RELN: variants seen among roughly 807,000 people sequenced by gnomAD.
RELN encodes the protein reelin.
In RELN, 108 loss-of-function variants were observed where a neutral mutation model predicts 427.6. The observed-to-expected ratio is 0.25, with a 90% CI of 0.22 to 0.30. The LOEUF is 0.30. Ranked by LOEUF, RELN falls within the 10% of genes least tolerant of loss-of-function variation. The pLI is 1.00. For missense variants in RELN, 3,715 were observed against 4,302.8 expected, an observed-to-expected ratio of 0.86 and a Z score of 3.82; for synonymous variants, 1,524 against 1,513.4, an observed-to-expected ratio of 1.01 and a Z score of -0.16.
chr7:103,736,689 A>C (rs1790501752), intron 6 of RELN, among the ~76,000 whole-genome samples: 2 of 152,214 alleles, frequency 1.3e-5, no homozygotes, highest in South Asian at 4.1e-4. Flanking sequence ...GGTAAATTCC[A>C]CTACATGCTG....
At chr7:103,725,067 A>T (rs190011702) in intron 7 of RELN, among the ~76,000 whole-genome samples, 32 of 152,260 alleles carry the variant, frequency 2.1e-4, no homozygotes, top group Middle Eastern at 3.4e-3. Flanking sequence ...TTCTTACCAA[A>T]TCTCTCTTAA....
intron 1 of RELN, among the ~76,000 whole-genome samples, chr7:103,925,718 A>T (rs1404921358): frequency 1.3e-5 from 2 of 152,190 alleles, no homozygotes; most frequent in East Asian, 3.8e-4. Context: ...AAAAGAAATC[A>T]TTTTGGGAGA....
At chr7:103,869,241 C>A (rs1794271619) in intron 2 of RELN, among the ~76,000 whole-genome samples, 1 of 151,848 alleles carries the variant, frequency 6.6e-6, no homozygotes, top group Admixed American at 6.6e-5. Context: ...CATCTTAAGC[C>A]CCACATTTTA....
intron 2 of RELN, among the ~76,000 whole-genome samples, chr7:103,871,247 T>C (rs989878611): frequency 8.7e-6 from 1 of 115,142 alleles, no homozygotes; most frequent in Non-Finnish European, 1.8e-5. Context: ...TTTTATTCTT[T>C]CGAAAAGAAT....
intron 24 of RELN, among the ~76,000 whole-genome samples, chr7:103,602,382 G>A (rs1166110216): frequency 6.6e-6 from 1 of 152,142 alleles, no homozygotes; most frequent in African/African-American, 2.4e-5. Context: ...ACATGCACAC[G>A]TATGTTTACT....
At chr7:103,681,527 A>G (rs921804828) in intron 11 of RELN, among the ~76,000 whole-genome samples, 1 of 152,020 alleles carries the variant, frequency 6.6e-6, no homozygotes, top group Admixed American at 6.6e-5. Flanking sequence ...GTGCTGCCCA[A>G]TTAGTAGGAT....
At chr7:103,844,669 C>G (rs915505124) in intron 2 of RELN, among the ~76,000 whole-genome samples, 2 of 152,100 alleles carry the variant, frequency 1.3e-5, no homozygotes, top group African/African-American at 4.8e-5. Flanking sequence ...TACTTAAACT[C>G]TCTAAGTCCC....
chr7:103,728,604 T>C (rs1790272741), intron 6 of RELN, among the ~76,000 whole-genome samples: 1 of 152,192 alleles, frequency 6.6e-6, no homozygotes, highest in South Asian at 2.1e-4. Flanking sequence ...TCAATAATTA[T>C]ATAATATATA....
intron 2 of RELN, among the ~76,000 whole-genome samples, chr7:103,906,296 C>G (rs1393946452): frequency 6.6e-6 from 1 of 152,072 alleles, no homozygotes. Context: ...CATAACCTCC[C>G]GCAAGTTACT....
At chr7:103,974,886 G>A in intron 1 of RELN, among the ~76,000 whole-genome samples, 1 of 152,236 alleles carries the variant, frequency 6.6e-6, no homozygotes, top group East Asian at 1.9e-4. Context: ...GCAGCATAGA[G>A]AAGCTTCTGG....
At chr7:103,720,365 T>G (rs1348144007) in intron 8 of RELN, among the ~76,000 whole-genome samples, 1 of 152,072 alleles carries the variant, frequency 6.6e-6, no homozygotes, top group African/African-American at 2.4e-5. Flanking sequence ...TATGAAAGTA[T>G]CAACACAATA....
At chr7:103,833,150 G>A (rs1793315955) in intron 3 of RELN, among the ~76,000 whole-genome samples, 1 of 151,964 alleles carries the variant, frequency 6.6e-6, no homozygotes, top group African/African-American at 2.4e-5. Context: ...TTTGAGATAT[G>A]CAATACATTA....
chr7:103,641,811 G>A (rs1438832550), intron 16 of RELN, among the ~76,000 whole-genome samples: 1 of 152,078 alleles, frequency 6.6e-6, no homozygotes, highest in Non-Finnish European at 1.5e-5. Flanking sequence ...GAAAGGGGCT[G>A]GCTCCATTCT....
intron 11 of RELN, among the ~76,000 whole-genome samples, chr7:103,678,893 G>A (rs1833595523): frequency 6.6e-6 from 1 of 152,170 alleles, no homozygotes; most frequent in African/African-American, 2.4e-5. Flanking sequence ...ATGATAGATT[G>A]TTTGTGTGGG....
chr7:103,867,103 T>TATC (rs1489763192), intron 2 of RELN, among the ~76,000 whole-genome samples: 3 of 152,108 alleles, frequency 2.0e-5, no homozygotes, highest in Non-Finnish European at 4.4e-5. Flanking sequence ...CATCACTGAA[T>TATC]AGATGTTACA....
chr7:103,749,874 C>T (rs1026622230), intron 5 of RELN, among the ~76,000 whole-genome samples: 1 of 152,166 alleles, frequency 6.6e-6, no homozygotes. Flanking sequence ...ATTGTAGTTC[C>T]CATAATCCCC....
chr7:103,542,793 G>C lies in RELN; in HGVS notation c.6609C>G (p.Leu2203=). 2 of 1,614,106 alleles carry C rather than the reference G, an allele frequency of 1.2e-6. No homozygotes were observed. Among genetic ancestry groups the C allele is most frequent in the Non-Finnish European group, 1.7e-6 (2 of 1,180,008 alleles). Residue 2203 remains leucine, a synonymous_variant, in exon 43 of 65, where the codon CTC becomes CTG. Transcript: ENST00000428762. ...TGCGCAAGCCATCTTCATTGAAAAA[G>C]AGGTTGTTTCCACTAGAAAGGATTC... ...KCGILSSGNN[L]FFNEDGLRML...
chr7:103,595,686 CA>C (rs1831520327), intron 25 of RELN, among the ~76,000 whole-genome samples: 1 of 151,078 alleles, frequency 6.6e-6, no homozygotes, highest in African/African-American at 2.4e-5. Context: ...TAATAGTAGT[CA>C]ACATACAAAA....
intron 4 of RELN, among the ~76,000 whole-genome samples, chr7:103,765,545 A>G (rs1264787925): frequency 6.6e-6 from 1 of 152,208 alleles, no homozygotes; most frequent in East Asian, 1.9e-4. Context: ...AAACAACTGA[A>G]TTTTCACACG....
Sources: gnomAD v4.1 joint callset for allele counts (sites outside exome capture counted in the v4.1 genomes callset) on GRCh38, gnomAD v4.1.1 for gene constraint, MANE v1.5 for transcripts, NCBI Gene and HGNC (gene_info 2026-07-23, HGNC 2026-07-21) for gene names.